TNKS2: variants seen among roughly 807,000 people sequenced by gnomAD.
The protein encoded by TNKS2 is tankyrase 2, also known as poly [ADP-ribose] polymerase tankyrase-2.
Under a neutral mutation model 137.6 loss-of-function variants are expected in TNKS2, and 72 were observed. That is an observed-to-expected ratio of 0.52 (90% CI 0.43 to 0.64). The LOEUF (loss-of-function observed/expected upper bound fraction) is 0.64, where lower values mean the gene tolerates loss of function less well. TNKS2 is among the 30% of genes least tolerant of loss of function. The probability of loss-of-function intolerance (pLI) is 0.00; values close to 1 mark genes in which losing one functional copy is unlikely to be tolerated. For synonymous variants in TNKS2, 516 were observed against 512.1 expected (o/e 1.01, Z -0.10); for missense variants, 1,049 against 1,410.2 (o/e 0.74, Z 4.10).
chr10:91,814,084 G>A (rs556730982), intron 2 of TNKS2, among the ~76,000 whole-genome samples: 8 of 152,186 alleles, frequency 5.3e-5, no homozygotes, highest in South Asian at 2.1e-4. Flanking sequence ...TCTTTAGGAC[G>A]TGTTCCAGAA....
intron 1 of TNKS2, among the ~76,000 whole-genome samples, chr10:91,808,780 AG>A (rs1401090399): frequency 1.3e-5 from 2 of 152,230 alleles, no homozygotes; most frequent in African/African-American, 4.8e-5. Flanking sequence ...GGATCAGATA[AG>A]ATTATCTAAA....
chr10:91,807,925 G>GTT (rs1564602691), intron 1 of TNKS2, among the ~76,000 whole-genome samples: 3 of 151,422 alleles, frequency 2.0e-5, no homozygotes, highest in African/African-American at 7.3e-5. Flanking sequence ...GAACCCGGGA[G>GTT]GCAGAGCTTG....
At chr10:91,815,624 A>G (rs1844668046) in intron 2 of TNKS2, among the ~76,000 whole-genome samples, 1 of 152,128 alleles carries the variant, frequency 6.6e-6, no homozygotes, top group South Asian at 2.1e-4. Context: ...TTTTATATTG[A>G]TTATAATATA....
intron 7 of TNKS2, among the ~76,000 whole-genome samples, chr10:91,826,569 G>A (rs1845077269): frequency 6.6e-6 from 1 of 152,184 alleles, no homozygotes; most frequent in Non-Finnish European, 1.5e-5. Flanking sequence ...TATCTAATAT[G>A]TGGCCAGAAT....
intron 1 of TNKS2, among the ~76,000 whole-genome samples, chr10:91,804,178 C>T (rs1444107935): frequency 6.6e-6 from 1 of 151,986 alleles, no homozygotes; most frequent in Non-Finnish European, 1.5e-5. Flanking sequence ...ACACCATATT[C>T]TTTGTGAGGA....
At chr10:91,844,885 CAAGT>C (rs772141488) in intron 16 of TNKS2, 30 bp from the exon 17 acceptor site, 8 of 1,472,182 alleles carry the variant, frequency 5.4e-6, no homozygotes, top group Middle Eastern at 3.5e-4. Context: ...AAAGAAAAAA[CAAGT>C]AAAGTAATTT....
chr10:91,834,648 T>C (rs1841940357), intron 12 of TNKS2, among the ~76,000 whole-genome samples: 1 of 152,218 alleles, frequency 6.6e-6, no homozygotes, highest in Non-Finnish European at 1.5e-5. Flanking sequence ...TGATGATCTT[T>C]ATGCCTTTGT....
intron 20 of TNKS2, among the ~76,000 whole-genome samples, chr10:91,850,580 G>C (rs553225101): frequency 6.6e-6 from 1 of 151,268 alleles, no homozygotes; most frequent in South Asian, 2.1e-4. Context: ...TTAGCTGGGC[G>C]TGGTGGCGGG....
At chr10:91,811,168 C>T (rs1844490448) in intron 1 of TNKS2, among the ~76,000 whole-genome samples, 1 of 151,864 alleles carries the variant, frequency 6.6e-6, no homozygotes, top group African/African-American at 2.4e-5. Context: ...TCGTGATCTG[C>T]CCACCTGGGC....
intron 2 of TNKS2, among the ~76,000 whole-genome samples, chr10:91,816,466 A>G (rs1243710254): frequency 6.6e-6 from 1 of 152,180 alleles, no homozygotes; most frequent in Non-Finnish European, 1.5e-5. Flanking sequence ...CTCGGTTTCA[A>G]TGTACCTACT....
chr10:91,848,675 T>G (rs1842455344), intron 19 of TNKS2, 40 bp downstream of exon 19: 2 of 1,600,474 alleles, frequency 1.2e-6, no homozygotes, highest in East Asian at 2.2e-5. Flanking sequence ...ACTGGTATTG[T>G]AGCCCCGTAT....
intron 13 of TNKS2, 105 bp downstream of exon 13, chr10:91,837,103 T>G: frequency 8.9e-7 from 1 of 1,127,560 alleles, no homozygotes. Flanking sequence ...GTATGGGCCT[T>G]GCCTTAAAAG....
At chr10:91,848,352 T>C in intron 18 of TNKS2, 31 bp from the exon 19 acceptor site, 5 of 1,597,568 alleles carry the variant, frequency 3.1e-6, no homozygotes, top group Non-Finnish European at 4.3e-6. Context: ...AACTTGCTTA[T>C]GGCAGATGTT....
intron 15 of TNKS2, 43 bp downstream of exon 15, chr10:91,841,491 C>T (rs768558869): frequency 1.4e-6 from 2 of 1,450,686 alleles, no homozygotes; most frequent in African/African-American, 2.9e-5. Context: ...AATTACATAG[C>T]ATATGTTTAT....
In TNKS2 at chr10:91,831,182, G is replaced by A; in HGVS notation, c.1275+1G>A. The A allele has an allele frequency of 1.2e-6, 2 of 1,612,986 alleles. No individual in the cohort carries two copies. Among genetic ancestry groups the A allele is most frequent in the Non-Finnish European group, 1.7e-6 (2 of 1,179,372 alleles). On this transcript the variant is annotated splice_donor_variant, in intron 11 of 26. Coordinates refer to ENST00000371627, the MANE Select transcript of TNKS2 (RefSeq NM_025235.4). LOFTEE classifies it high-confidence loss of function. ...AGTAGTGGTGAAACATGAAGCAAAG[G>A]TATACTTCCTTTTTGGTAATCTTTG...
chr10:91,845,120 A>C, intron 17 of TNKS2, 92 bp downstream of exon 17: 14 of 834,004 alleles, frequency 1.7e-5, no homozygotes, highest in African/African-American at 3.5e-5. Context: ...TGATGTTCTC[A>C]TTTTACAGAG....
chr10:91,802,889 G>T (rs1410096265), intron 1 of TNKS2, among the ~76,000 whole-genome samples: 2 of 152,212 alleles, frequency 1.3e-5, no homozygotes, highest in African/African-American at 4.8e-5. Flanking sequence ...AGTCTATTTA[G>T]GAATTCATCA....
intron 1 of TNKS2, among the ~76,000 whole-genome samples, chr10:91,807,781 T>G (rs1056289771): frequency 1.3e-5 from 2 of 151,898 alleles, no homozygotes; most frequent in Non-Finnish European, 2.9e-5. Flanking sequence ...GCTCACGAGG[T>G]CAGGAGATCG....
At chr10:91,845,609 T>A (rs533517327) in intron 17 of TNKS2, 143 bp from the exon 18 acceptor site, 2 of 552,804 alleles carry the variant, frequency 3.6e-6, no homozygotes, top group Non-Finnish European at 5.8e-6. Flanking sequence ...TCATAAGTTG[T>A]GATGTTGGGG....
Sources: allele counts gnomAD v4.1 joint callset (sites outside exome capture counted in the v4.1 genomes callset), GRCh38; gene constraint gnomAD v4.1.1; transcripts MANE v1.5; gene names NCBI Gene and HGNC (gene_info 2026-07-23, HGNC 2026-07-21).